The following B4GALT6 variants were observed in gnomAD, a reference collection of about 807,000 sequenced individuals.
B4GALT6 encodes the protein UDP-Gal:beta-GlcNAc beta-1,4-galactosyltransferase 6.
A neutral mutation model predicts 46.3 loss-of-function variants in B4GALT6; 14 were observed. The ratio of observed to expected loss-of-function variants is 0.30; its 90% CI spans 0.20 to 0.47. The LOEUF (loss-of-function observed/expected upper bound fraction) is 0.47, where lower values mean the gene tolerates loss of function less well. B4GALT6 is among the 20% of genes least tolerant of loss of function. The pLI is 0.99. For missense variants in B4GALT6, 386 were observed against 480.1 expected (o/e 0.80, Z 1.83); for synonymous variants, 168 against 162.0 (o/e 1.04, Z -0.28).
chr18:31,662,222 T>A (rs543403109), intron 2 of B4GALT6, among the ~76,000 whole-genome samples: 1 of 152,220 alleles, frequency 6.6e-6, no homozygotes, highest in African/African-American at 2.4e-5. Context: ...CTTCATTGAA[T>A]ACAAAGTTTT....
intron 3 of B4GALT6, among the ~76,000 whole-genome samples, chr18:31,653,435 C>CTTTT (rs5823819): frequency 3.8e-4 from 28 of 74,162 alleles, no homozygotes; most frequent in African/African-American, 5.4e-4. Context: ...AACCTTTTTT[C>CTTTT]TTTTTTTTTT....
At chr18:31,632,648 C>T (rs1295956973) in intron 5 of B4GALT6, among the ~76,000 whole-genome samples, 3 of 152,170 alleles carry the variant, frequency 2.0e-5, no homozygotes, top group African/African-American at 7.2e-5. Context: ...CCTCTATTCT[C>T]CCAATATAGT....
chr18:31,715,125 T>C, the B4GALT6 span, among the ~76,000 whole-genome samples: 1 of 152,222 alleles, frequency 6.6e-6, no homozygotes, highest in Admixed American at 6.5e-5. Flanking sequence ...TCACTCAGGT[T>C]TAGGAAGCCT....
chr18:31,662,590 C>G (rs993023279), intron 2 of B4GALT6, among the ~76,000 whole-genome samples: 1 of 152,126 alleles, frequency 6.6e-6, no homozygotes, highest in African/African-American at 2.4e-5. Context: ...TGCCTGTAAT[C>G]CCAGCACTTT....
rs557728644 is a variant in B4GALT6 at position 31,622,784 on chromosome 18, G to A, written c.*2830C>T. 1 of 152,100 alleles carries A rather than the reference G, an allele frequency of 6.6e-6. No homozygotes were observed. The highest frequency in any genetic ancestry group is 1.9e-4 in the East Asian group (1 of 5,186). 9.4% of individuals were successfully genotyped at this position (152,100 alleles called of 1,614,324 possible). On this transcript the variant is annotated 3_prime_UTR_variant, in exon 9 of 9. Transcript: ENST00000306851. ...AAATACTCATAAAACCCTAGTTTTA[G>A]CAAAGAATTAACTATCTCCACTGTG...
At chr18:31,629,619 G>A (rs1369412838) in intron 6 of B4GALT6, among the ~76,000 whole-genome samples, 2 of 150,934 alleles carry the variant, frequency 1.3e-5, no homozygotes, top group Non-Finnish European at 3.0e-5. Flanking sequence ...GGAGGCCGAG[G>A]CGGGTGGATC....
At chr18:31,690,743 T>G (rs539517282), upstream of B4GALT6, among the ~76,000 whole-genome samples, 85 of 152,280 alleles carry the variant, frequency 5.6e-4, no homozygotes, top group African/African-American at 2.0e-3. Flanking sequence ...AGTGCTAGGA[T>G]TACAGGTGTG....
chr18:31,638,415 T>C (rs1041645580), intron 5 of B4GALT6, among the ~76,000 whole-genome samples: 4 of 152,020 alleles, frequency 2.6e-5, no homozygotes, highest in Non-Finnish European at 5.9e-5. Flanking sequence ...TAGTCCCAGC[T>C]ACTTGGGAGG....
At chr18:31,635,863 A>G (rs563337031) in intron 5 of B4GALT6, among the ~76,000 whole-genome samples, 20 of 152,346 alleles carry the variant, frequency 1.3e-4, no homozygotes, top group African/African-American at 2.2e-4. Context: ...AGAGAAGATA[A>G]AAGTATCTAA....
chr18:31,638,837 G>T, intron 4 of B4GALT6, 77 bp from the exon 5 acceptor site: 1 of 1,217,222 alleles, frequency 8.2e-7, no homozygotes, highest in Non-Finnish European at 1.2e-6. Context: ...ATCAATCCTT[G>T]AAAACTTCTG....
intron 2 of B4GALT6, among the ~76,000 whole-genome samples, chr18:31,662,659 G>C (rs1354173604): frequency 1.3e-5 from 2 of 152,080 alleles, no homozygotes; most frequent in South Asian, 2.1e-4. Flanking sequence ...GGCTAACACG[G>C]TGAAACCCCG....
At chr18:31,670,035 CA>C (rs35830432) in intron 1 of B4GALT6, among the ~76,000 whole-genome samples, 63,294 of 151,244 alleles carry the variant, frequency 0.42, 15,364 homozygotes, top group South Asian at 0.64. Context: ...TTGTAGGTAA[CA>C]AAACTGTTAA....
intron 1 of B4GALT6, among the ~76,000 whole-genome samples, chr18:31,670,131 G>A (rs528100967): frequency 2.9e-4 from 44 of 150,882 alleles, no homozygotes; most frequent in Admixed American, 2.6e-3. Context: ...TTGGCTCTCC[G>A]TAACCTCCAC....
chr18:31,714,735 G>A, the B4GALT6 span, among the ~76,000 whole-genome samples: 1 of 152,230 alleles, frequency 6.6e-6, no homozygotes, highest in East Asian at 1.9e-4. Flanking sequence ...AGAGTAAGAT[G>A]TCAGGCCTAG....
the B4GALT6 span, among the ~76,000 whole-genome samples, chr18:31,709,601 GTGTA>G: frequency 4.5e-3 from 610 of 135,988 alleles, 1 homozygote; most frequent in African/African-American, 0.016. Context: ...GTGTGTGTGT[GTGTA>G]TATATATATC....
intron 4 of B4GALT6, among the ~76,000 whole-genome samples, chr18:31,643,908 C>T (rs1480713699): frequency 7.9e-5 from 12 of 152,148 alleles, no homozygotes; most frequent in Non-Finnish European, 1.6e-4. Flanking sequence ...CCCACAGCCT[C>T]GGTGACTGAG....
At chr18:31,653,282 A>G (rs1551006) in intron 3 of B4GALT6, among the ~76,000 whole-genome samples, 63,238 of 151,506 alleles carry the variant, frequency 0.42, 15,371 homozygotes, top group South Asian at 0.64. Flanking sequence ...ACCACTCTCC[A>G]GTCCGGGAAT....
At chr18:31,704,573 T>C in the B4GALT6 span, among the ~76,000 whole-genome samples, 13 of 152,280 alleles carry the variant, frequency 8.5e-5, no homozygotes, top group African/African-American at 2.2e-4. Flanking sequence ...ATTCCAAATA[T>C]ATAAAATCTC....
chr18:31,643,663 A>C (rs2144575070), intron 4 of B4GALT6, among the ~76,000 whole-genome samples: 1 of 152,326 alleles, frequency 6.6e-6, no homozygotes, highest in South Asian at 2.1e-4. Context: ...GTTTACAGTC[A>C]GTCTACTAAT....
Sources: gnomAD v4.1 joint callset for allele counts (sites outside exome capture counted in the v4.1 genomes callset) on GRCh38, gnomAD v4.1.1 for gene constraint, MANE v1.5 for transcripts, NCBI Gene and HGNC (gene_info 2026-07-23, HGNC 2026-07-21) for gene names.